FMN1: variants seen among roughly 807,000 people sequenced by gnomAD.
The protein encoded by FMN1 is formin 1, also known as formin-1.
A neutral mutation model predicts 132.4 loss-of-function variants in FMN1; 110 were observed. The ratio of observed to expected loss-of-function variants is 0.83; its 90% CI spans 0.71 to 0.97. The LOEUF (loss-of-function observed/expected upper bound fraction) is 0.97. FMN1 is among the 50% of genes least tolerant of loss of function. The probability of loss-of-function intolerance (pLI) is 0.00; values close to 1 mark genes in which losing one functional copy is unlikely to be tolerated. For missense variants in FMN1, 1,792 were observed against 1,705.3 expected, an observed-to-expected ratio of 1.05 and a Z score of -0.90; for synonymous variants, 722 against 651.7, an observed-to-expected ratio of 1.11 and a Z score of -1.64.
chr15:32,853,001 T>G (rs930873055), intron 17 of FMN1, among the ~76,000 whole-genome samples: 1 of 152,206 alleles, frequency 6.6e-6, no homozygotes, highest in African/African-American at 2.4e-5. Context: ...AGTGTTTTCC[T>G]CTGCCTGGAA....
chr15:32,910,670 C>T (rs2060538979), intron 10 of FMN1, 135 bp from the exon 11 acceptor site: 2 of 684,662 alleles, frequency 2.9e-6, no homozygotes, highest in South Asian at 1.8e-5. Context: ...TCTCTGCTCC[C>T]CTTCCTTTCG....
intron 7 of FMN1, among the ~76,000 whole-genome samples, chr15:32,988,741 T>C (rs988725325): frequency 1.3e-5 from 2 of 149,986 alleles, no homozygotes; most frequent in African/African-American, 2.5e-5. Context: ...ATAAACCCCG[T>C]TGTTGTTGTG....
chr15:33,153,468 AG>A lies in FMN1; in HGVS notation c.1446del (p.Ser483HisfsTer204). 1 of 1,536,658 alleles carries A rather than the reference AG, an allele frequency of 6.5e-7. No homozygotes were observed. Among genetic ancestry groups the A allele is most frequent in the Non-Finnish European group, 8.7e-7 (1 of 1,147,008 alleles). On this transcript the variant is annotated frameshift_variant, in exon 4 of 21. Transcript: ENST00000616417. LOFTEE classifies it high-confidence loss of function. ...TTCTTCTTATCACCTCTGGGTTGTG[AG>A]GAGTCAGGACCTACTTTGTGGGGCA... is the stretch of plus-strand genomic sequence containing the variant. ...LDLPHKVGPD[S>X]SQPRGDKKKP...
intron 6 of FMN1, among the ~76,000 whole-genome samples, chr15:33,040,853 G>C (rs570534790): frequency 6.6e-6 from 1 of 152,206 alleles, no homozygotes. Flanking sequence ...ACAGAGGACA[G>C]ATCTGAAAAC....
intron 16 of FMN1, among the ~76,000 whole-genome samples, chr15:32,871,115 G>A (rs2059505424): frequency 6.6e-6 from 1 of 152,242 alleles, no homozygotes; most frequent in Non-Finnish European, 1.5e-5. Context: ...CCTCTGAAGG[G>A]GAAGGGAACT....
chr15:32,910,558 A>T (rs2060535149), intron 10 of FMN1, 23 bp from the exon 11 acceptor site: 3 of 1,549,190 alleles, frequency 1.9e-6, no homozygotes, highest in Non-Finnish European at 2.6e-6. Flanking sequence ...CAAAAAGAAA[A>T]GAGGATAAGG....
rs1964609782 is a variant in FMN1 at position 33,154,887 on chromosome 15, A to G, written c.28T>C (p.Leu10=). The change falls in exon 4 of 21, where the codon TTG becomes CTG. Residue 10 remains leucine, a synonymous_variant. Transcript: ENST00000616417. MEGTHCTLQ[L]HKPITELCYI... is the part of the protein sequence containing the mutation. Reference sequence around the variant, plus strand: ...CAGAGTTCCGTAATGGGCTTATGCAATTGGAGGGTACAATGAGTGCCTTCC... The same window carrying G: ...CAGAGTTCCGTAATGGGCTTATGCAGTTGGAGGGTACAATGAGTGCCTTCC... 1 of 1,535,536 alleles carries G rather than the reference A, an allele frequency of 6.5e-7. No individual in the cohort carries two copies. Among genetic ancestry groups the G allele is most frequent in the African/African-American group, 1.4e-5 (1 of 72,976 alleles).
rs974344011 is a variant in FMN1 at position 32,771,339 on chromosome 15, A to T, written c.*2971T>A. ...GTGATCCGCCCCCGCTTGGCCTCCC[A>T]AAGTGCTGGGATTATAGGCATGAGC... On this transcript the variant is annotated 3_prime_UTR_variant, in exon 21 of 21. Coordinates refer to ENST00000616417, the MANE Select transcript of FMN1 (RefSeq NM_001277313.2). 1 of 150,192 alleles carries T rather than the reference A, an allele frequency of 6.7e-6. No homozygotes were observed. The highest frequency in any genetic ancestry group is 2.5e-5 in the African/African-American group (1 of 40,486). 9.3% of individuals were successfully genotyped at this position (150,192 alleles called of 1,614,324 possible).
At chr15:32,986,752 C>A (rs1022409032) in intron 7 of FMN1, among the ~76,000 whole-genome samples, 3 of 152,072 alleles carry the variant, frequency 2.0e-5, no homozygotes, top group Non-Finnish European at 4.4e-5. Flanking sequence ...TGACTTGATT[C>A]TCTTCTCCTG....
chr15:32,852,164 A>T (rs1199226624), intron 17 of FMN1, among the ~76,000 whole-genome samples: 1 of 152,130 alleles, frequency 6.6e-6, no homozygotes, highest in Non-Finnish European at 1.5e-5. Context: ...TGCGCGTCTC[A>T]CATGTACAAA....
At chr15:33,038,909 C>CCA (rs1333059460) in intron 6 of FMN1, among the ~76,000 whole-genome samples, 1 of 152,120 alleles carries the variant, frequency 6.6e-6, no homozygotes, top group Non-Finnish European at 1.5e-5. Flanking sequence ...TCTGTGTCCC[C>CCA]CACTTTGAAG....
At position 33,028,738 on chromosome 15, in the gene FMN1, C is replaced by T. The variant is rs1247284660; in HGVS notation, c.2162-20663G>A. On this transcript the variant is annotated intron_variant, in intron 6 of 20. Transcript: ENST00000616417. ...GGGGCTGCTGGCCACGTGCCCTATC[C>T]AATCTCTGGGGTAGAACCTGGTCAG... Among the ~76,000 whole-genome samples the T allele has an allele frequency of 2.0e-5, 3 of 152,126 alleles. No homozygotes were observed. The East Asian group carries it at 5.8e-4, about 29-fold the overall frequency.
rs761293973 is a variant in FMN1, at chr15:32,900,030, G to A, written c.3603C>T (p.Ala1201=). 116 of 1,613,818 alleles carry A rather than the reference G, an allele frequency of 7.2e-5. No homozygotes were observed. The East Asian group carries it at 1.1e-3, about 16-fold the overall frequency. ...MNGGNRTRGQ[A]DGYSLEILPK... ...GCAGAATTTCTAAGCTATATCCATC[G>A]GCTTGTCCCCGAGTCCTATTTCCTC... The change falls in exon 14 of 21, where the codon GCC becomes GCT. Residue 1201 remains alanine, a synonymous_variant. Transcript: ENST00000616417.
At chr15:33,017,575 T>A (rs1236417368) in intron 6 of FMN1, among the ~76,000 whole-genome samples, 1 of 151,978 alleles carries the variant, frequency 6.6e-6, no homozygotes, top group Admixed American at 6.6e-5. Flanking sequence ...ATCAGAAAAA[T>A]AAAATATTGG....
chr15:33,099,320 C>T (rs548011064), intron 4 of FMN1, among the ~76,000 whole-genome samples: 3 of 152,268 alleles, frequency 2.0e-5, no homozygotes, highest in African/African-American at 7.2e-5. Flanking sequence ...TAAACTCTTT[C>T]GAGTGTACTG....
rs776194709 is a variant in FMN1 at position 32,940,523 on chromosome 15, A to G, written c.3139-14262T>C. ...CTACTCATAAGATCAGTAACTTAAA[A>G]GAGTTTGTAATTATTCTCAGGTATA... is the stretch of plus-strand genomic sequence containing the variant. On this transcript the variant is annotated intron_variant, in intron 9 of 20. Coordinates refer to ENST00000616417, the MANE Select transcript of FMN1 (RefSeq NM_001277313.2). Among the ~76,000 whole-genome samples, 3 of 152,084 alleles carry G rather than the reference A, an allele frequency of 2.0e-5. No individual in the cohort carries two copies. In the East Asian group the frequency reaches 5.8e-4, roughly 29 times the overall value.
At chr15:33,002,004 G>A (rs2034148128) in intron 7 of FMN1, among the ~76,000 whole-genome samples, 1 of 152,114 alleles carries the variant, frequency 6.6e-6, no homozygotes, top group African/African-American at 2.4e-5. Flanking sequence ...GGGGGAAACT[G>A]AACAATTAAG....
At chr15:33,128,844 C>A (rs924466159) in intron 4 of FMN1, among the ~76,000 whole-genome samples, 6 of 152,232 alleles carry the variant, frequency 3.9e-5, no homozygotes, top group Non-Finnish European at 7.3e-5. Flanking sequence ...ATGCGGAAGA[C>A]AACCGGAGCA....
Position 33,079,164 on chromosome 15 carries a change from A to G in FMN1, c.2043+9635T>C, listed in dbSNP as rs1459018715. ...AGAGTTTTCTCTGTATATACCCTCAAAAGTCCAAATTGTATATGAACAGCT... is the reference window on the plus strand; with the variant it reads ...AGAGTTTTCTCTGTATATACCCTCAGAAGTCCAAATTGTATATGAACAGCT... On this transcript the variant is annotated intron_variant, in intron 5 of 20. Transcript: ENST00000616417. 3.3e-5 allele frequency among the ~76,000 whole-genome samples: 5 copies of G among 152,348 alleles called. No individual in the cohort carries two copies. The East Asian group carries it at 7.7e-4, about 23-fold the overall frequency.
Sources: allele counts gnomAD v4.1 joint callset (sites outside exome capture counted in the v4.1 genomes callset), GRCh38; gene constraint gnomAD v4.1.1; transcripts MANE v1.5; gene names NCBI Gene and HGNC (gene_info 2026-07-23, HGNC 2026-07-21).